The following CAB39 variants were observed in gnomAD, a reference collection of about 807,000 sequenced individuals.
CAB39 encodes the protein calcium-binding protein 39.
Under a neutral mutation model 40.0 loss-of-function variants are expected in CAB39, and 8 were observed. The ratio of observed to expected loss-of-function variants is 0.20; its 90% CI spans 0.12 to 0.36. The LOEUF (loss-of-function observed/expected upper bound fraction) is 0.36, where lower values mean the gene tolerates loss of function less well. Ranked by LOEUF, CAB39 falls within the 10% of genes least tolerant of loss-of-function variation. CAB39 has a pLI of 1.00. For missense variants in CAB39, 270 were observed against 401.1 expected, an observed-to-expected ratio of 0.67 and a Z score of 2.79; for synonymous variants, 156 against 141.6, an observed-to-expected ratio of 1.10 and a Z score of -0.72.
intron 5 of CAB39, among the ~76,000 whole-genome samples, chr2:230,802,664 T>C (rs778509136): frequency 7.8e-4 from 119 of 152,112 alleles, no homozygotes; most frequent in Non-Finnish European, 3.1e-4. Flanking sequence ...CTAGAAGAAA[T>C]GGATAAATTC....
intron 1 of CAB39, among the ~76,000 whole-genome samples, chr2:230,743,077 A>G (rs745425628): frequency 4.6e-5 from 7 of 152,192 alleles, no homozygotes; most frequent in Non-Finnish European, 8.8e-5. Flanking sequence ...TTCCTTATGA[A>G]TAGCTTTCTA....
At chr2:230,780,083 T>G (rs984717163) in intron 2 of CAB39, among the ~76,000 whole-genome samples, 13 of 152,180 alleles carry the variant, frequency 8.5e-5, no homozygotes, top group Admixed American at 7.9e-4. Flanking sequence ...CAGGTTTCCA[T>G]GAGGCCACAG....
In CAB39 at chr2:230,727,096, G is replaced by T. The variant is rs934959276; in HGVS notation, c.-44+13866G>T. On this transcript the variant is annotated intron_variant, in intron 1 of 8. Coordinates refer to ENST00000258418, the MANE Select transcript of CAB39 (RefSeq NM_016289.4). ...AGTGACCAAGTAACTGTAGACACTG[G>T]GTCTAAATTTGTGTGTCATGCACAA... Among the ~76,000 whole-genome samples, 3 of 151,962 alleles carry T rather than the reference G, an allele frequency of 2.0e-5. No homozygotes were observed. The South Asian group carries it at 6.2e-4, about 32-fold the overall frequency.
At chr2:230,719,197 T>G (rs1402373810) in intron 1 of CAB39, among the ~76,000 whole-genome samples, 1 of 152,166 alleles carries the variant, frequency 6.6e-6, no homozygotes, top group Non-Finnish European at 1.5e-5. Context: ...ACCGTTTAGG[T>G]CCACTAAATG....
rs529005126 is a variant in CAB39, at chr2:230,764,838, T to C, written c.114+4723T>C. 4.6e-5 allele frequency among the ~76,000 whole-genome samples: 7 copies of C among 152,380 alleles called. No individual in the cohort carries two copies. The South Asian group carries it at 1.4e-3, about 32-fold the overall frequency. On this transcript the variant is annotated intron_variant, in intron 2 of 8. Transcript: ENST00000258418. ...AAATAATCACACAAGGGCTTTTCTT[T>C]AAGATAACCATTCTATAAGGAGCCA...
intron 7 of CAB39, among the ~76,000 whole-genome samples, chr2:230,814,791 T>C (rs545220802): frequency 1.6e-3 from 249 of 152,314 alleles, no homozygotes; most frequent in Non-Finnish European, 2.5e-3. Context: ...TGGCCCTTGA[T>C]AGTTTGCTGA....
chr2:230,730,335 ATGAT>A (rs927112093), intron 1 of CAB39, among the ~76,000 whole-genome samples: 2 of 152,252 alleles, frequency 1.3e-5, no homozygotes, highest in Non-Finnish European at 2.9e-5. Flanking sequence ...ATATTTTTAA[ATGAT>A]TGGTTATTCT....
Position 230,818,708 on chromosome 2 carries a change from C to T in CAB39, c.*4C>T. ...ACCAGCTCAGCAAGAAGCTTAATCT[C>T]CAATAAACATCTATGTTAAATCCAA... On this transcript the variant is annotated 3_prime_UTR_variant, in exon 9 of 9. Transcript: ENST00000258418. 1 of 1,608,824 alleles carries T rather than the reference C, an allele frequency of 6.2e-7. No homozygotes were observed. Among genetic ancestry groups the T allele is most frequent in the Non-Finnish European group, 8.5e-7 (1 of 1,176,066 alleles).
intron 4 of CAB39, among the ~76,000 whole-genome samples, chr2:230,796,764 TAAAAG>T (rs932957803): frequency 4.6e-5 from 7 of 151,966 alleles, no homozygotes; most frequent in African/African-American, 1.7e-4. Flanking sequence ...CAAGGGTTGA[TAAAAG>T]GAATAGGACT....
intron 2 of CAB39, among the ~76,000 whole-genome samples, chr2:230,782,594 T>G (rs908824518): frequency 1.3e-5 from 2 of 152,184 alleles, no homozygotes; most frequent in Non-Finnish European, 2.9e-5. Context: ...GAGTTTGATG[T>G]GTATTCTCCC....
chr2:230,789,138 A>G (rs1695848914), intron 2 of CAB39, among the ~76,000 whole-genome samples: 1 of 152,048 alleles, frequency 6.6e-6, no homozygotes, highest in South Asian at 2.1e-4. Flanking sequence ...ACCTATTCTT[A>G]TCTACTATCT....
chr2:230,736,633 C>G (rs963152598), intron 1 of CAB39, among the ~76,000 whole-genome samples: 10 of 152,138 alleles, frequency 6.6e-5, no homozygotes, highest in African/African-American at 2.4e-4. Flanking sequence ...AATCGAGACC[C>G]TGTGGATCCT....
At chr2:230,755,775 A>G (rs1695177812) in intron 1 of CAB39, among the ~76,000 whole-genome samples, 1 of 152,220 alleles carries the variant, frequency 6.6e-6, no homozygotes, top group Non-Finnish European at 1.5e-5. Flanking sequence ...ATTCCCTTAA[A>G]TTCCTCCAAA....
chr2:230,724,751 C>CTTT (rs576437702), intron 1 of CAB39, among the ~76,000 whole-genome samples: 62 of 111,744 alleles, frequency 5.5e-4, no homozygotes, highest in African/African-American at 2.2e-3. Flanking sequence ...CTCGTTTAAT[C>CTTT]TTTTTTTTTT....
chr2:230,802,890 C>T (rs1463451207), intron 5 of CAB39, among the ~76,000 whole-genome samples: 1 of 152,158 alleles, frequency 6.6e-6, no homozygotes, highest in Non-Finnish European at 1.5e-5. Context: ...AAGAGGGAAT[C>T]TTCCCTAACT....
intron 1 of CAB39, among the ~76,000 whole-genome samples, chr2:230,755,363 G>GT (rs1695171514): frequency 6.6e-6 from 1 of 152,074 alleles, no homozygotes; most frequent in Admixed American, 6.5e-5. Context: ...TTGCACTGTG[G>GT]TTTTGGTTTG....
chr2:230,714,057 AG>A (rs1217563292), intron 1 of CAB39: 1 of 151,536 alleles, frequency 6.6e-6, no homozygotes, highest in Non-Finnish European at 1.5e-5. Context: ...ATTGCAGAAG[AG>A]GTGTGTGGAA....
chr2:230,817,610 T>C (rs552260489), intron 7 of CAB39, 144 bp from the exon 8 acceptor site: 1 of 581,052 alleles, frequency 1.7e-6, no homozygotes, highest in South Asian at 2.6e-5. Context: ...TCGTAGCTTT[T>C]AGGTTGTAAT....
chr2:230,814,232 G>GCC (rs1696359406), intron 7 of CAB39, 118 bp downstream of exon 7: 1 of 570,988 alleles, frequency 1.8e-6, no homozygotes, highest in African/African-American at 1.9e-5. Flanking sequence ...AAATACCTTT[G>GCC]CCGAGGGTCA....
Sources: gnomAD v4.1 joint callset for allele counts (sites outside exome capture counted in the v4.1 genomes callset) on GRCh38, gnomAD v4.1.1 for gene constraint, MANE v1.5 for transcripts, NCBI Gene and HGNC (gene_info 2026-07-23, HGNC 2026-07-21) for gene names.